RAI1: variants seen among roughly 807,000 people sequenced by gnomAD.
The protein encoded by RAI1 is retinoic acid induced 1.
In RAI1, 9 loss-of-function variants were observed where a neutral mutation model predicts 123.8. The observed-to-expected ratio is 0.07, with a 90% confidence interval of 0.04 to 0.13. RAI1 has a LOEUF of 0.13. RAI1 is among the 10% of genes least tolerant of loss of function. The probability of loss-of-function intolerance (pLI) is 1.00; values close to 1 mark genes in which losing one functional copy is unlikely to be tolerated. For missense variants in RAI1, 2,256 were observed against 2,545.8 expected (o/e 0.89, Z 2.45); for synonymous variants, 1,231 against 1,127.3 (o/e 1.09, Z -1.84).
intron 2 of RAI1, among the ~76,000 whole-genome samples, chr17:17,744,009 C>T (rs1306450526): frequency 1.3e-5 from 2 of 152,202 alleles, no homozygotes; most frequent in Non-Finnish European, 2.9e-5. Context: ...GGCTGTGAGA[C>T]AGTCATTGCA....
chr17:17,738,695 G>A (rs1412584170), intron 2 of RAI1, among the ~76,000 whole-genome samples: 2 of 152,212 alleles, frequency 1.3e-5, no homozygotes, highest in African/African-American at 2.4e-5. Flanking sequence ...CTGAGCTCAG[G>A]CAACCCAGGC....
chr17:17,726,077 G>A (rs1316170137), intron 2 of RAI1, among the ~76,000 whole-genome samples: 1 of 152,164 alleles, frequency 6.6e-6, no homozygotes, highest in Non-Finnish European at 1.5e-5. Context: ...CGGCTGGGTG[G>A]TGCCTTGTTC....
chr17:17,697,501 C>T (rs769727902), intron 1 of RAI1, among the ~76,000 whole-genome samples: 2 of 152,250 alleles, frequency 1.3e-5, no homozygotes, highest in East Asian at 1.9e-4. Context: ...ATATTTAAGA[C>T]CTGTTTCACT....
At position 17,685,901 on chromosome 17, in the gene RAI1, C is replaced by T. The variant is rs1191510932; in HGVS notation, c.-149+4108C>T. Among the ~76,000 whole-genome samples the T allele has an allele frequency of 6.6e-6, 1 of 152,148 alleles. No individual in the cohort carries two copies. Among genetic ancestry groups the T allele is most frequent in the Non-Finnish European group, 1.5e-5 (1 of 68,038 alleles). ...CTCTGTGCATCGGGCTGGGCTGTTC[C>T]TTCCACCTGGGATGCCCCTCACCTT... On this transcript the variant is annotated intron_variant, in intron 1 of 5. Transcript: ENST00000353383. The surrounding 1 kb of genome is among the most constrained non-coding windows in gnomAD (Gnocchi z 4.0).
At chr17:17,782,847 C>T (rs2031646672) in intron 2 of RAI1, among the ~76,000 whole-genome samples, 1 of 152,188 alleles carries the variant, frequency 6.6e-6, no homozygotes, top group South Asian at 2.1e-4. Context: ...ATTTTGCTCT[C>T]GGCCTCTGTC....
At chr17:17,708,922 C>A (rs910603657) in intron 1 of RAI1, among the ~76,000 whole-genome samples, 1 of 152,226 alleles carries the variant, frequency 6.6e-6, no homozygotes, top group Admixed American at 6.5e-5. Context: ...GTCCCGTGCT[C>A]CTGCCACCCC....
At chr17:17,698,622 C>G (rs879414784) in intron 1 of RAI1, among the ~76,000 whole-genome samples, 5 of 152,226 alleles carry the variant, frequency 3.3e-5, no homozygotes, top group African/African-American at 7.2e-5. Flanking sequence ...GGAAGGGGAG[C>G]TGAGCCCTTC....
intron 2 of RAI1, among the ~76,000 whole-genome samples, chr17:17,749,095 A>G (rs748937158): frequency 5.3e-5 from 8 of 152,076 alleles, no homozygotes; most frequent in Non-Finnish European, 8.8e-5. Flanking sequence ...ACCCTTCACA[A>G]CCATCCCCGT....
intron 1 of RAI1, among the ~76,000 whole-genome samples, chr17:17,693,448 A>T (rs1450975605): frequency 6.6e-6 from 1 of 152,224 alleles, no homozygotes; most frequent in Non-Finnish European, 1.5e-5. Context: ...TGCCCCAGGC[A>T]TCTTTCTTGC....
intron 2 of RAI1, among the ~76,000 whole-genome samples, chr17:17,784,261 C>T (rs1223686722): frequency 6.6e-6 from 1 of 152,188 alleles, no homozygotes; most frequent in Non-Finnish European, 1.5e-5. Context: ...TGTGCCTCCC[C>T]GGCTGTCAGA....
intron 2 of RAI1, among the ~76,000 whole-genome samples, chr17:17,757,732 A>G (rs2030500046): frequency 6.6e-6 from 1 of 152,094 alleles, no homozygotes; most frequent in African/African-American, 2.4e-5. Context: ...GCAGGCGCCC[A>G]TCAGTGCCAC....
Position 17,797,940 on chromosome 17 carries a change from G to T in RAI1, c.4992G>T (p.Leu1664Phe). 4 of 1,613,982 alleles carry T rather than the reference G, an allele frequency of 2.5e-6. No individual in the cohort carries two copies. Among genetic ancestry groups the T allele is most frequent in the Non-Finnish European group, 3.4e-6 (4 of 1,180,014 alleles). The change falls in exon 3 of 6, where the codon TTG (leucine) becomes TTT (phenylalanine). Residue 1664 changes from leucine (L) to phenylalanine (F), a missense_variant. Physicochemically the swap from Leu to Phe is conservative, Grantham distance 22 (BLOSUM62 0). Coordinates refer to ENST00000353383, the MANE Select transcript of RAI1 (RefSeq NM_030665.4). Reference protein sequence around the residue: ...GGSILQPRPSLPLSSTMHLGP... With the variant: ...GGSILQPRPSFPLSSTMHLGP... ...CCATCCTGCAGCCGCGGCCCTCCTT[G>T]CCCCTCTCCTCCACGATGCACTTGG...
chr17:17,767,997 C>T (rs749366596), intron 2 of RAI1, among the ~76,000 whole-genome samples: 5 of 152,198 alleles, frequency 3.3e-5, no homozygotes, highest in African/African-American at 1.2e-4. Flanking sequence ...GCTCCAGAAC[C>T]GGGTGGTTGT....
Position 17,741,447 on chromosome 17 carries a change from A to G in RAI1, c.-17+17288A>G, listed in dbSNP as rs1043630014. Among the ~76,000 whole-genome samples, 4 of 152,230 alleles carry G rather than the reference A, an allele frequency of 2.6e-5. No homozygotes were observed. In the East Asian group the frequency reaches 7.7e-4, roughly 29 times the overall value. On this transcript the variant is annotated intron_variant, in intron 2 of 5. Coordinates refer to ENST00000353383, the MANE Select transcript of RAI1 (RefSeq NM_030665.4). Reference sequence around the variant, plus strand: ...CTTGTTCATGAGTTCTGCCACAGAAAGGGAAGAATCAAGGACTTTTCAATA... The same window carrying G: ...CTTGTTCATGAGTTCTGCCACAGAAGGGGAAGAATCAAGGACTTTTCAATA...
At chr17:17,690,224 A>G (rs754440933) in intron 1 of RAI1, among the ~76,000 whole-genome samples, 7 of 151,938 alleles carry the variant, frequency 4.6e-5, no homozygotes, top group Non-Finnish European at 7.4e-5. Context: ...CATCTCTACT[A>G]AAAATACAAA....
chr17:17,796,769 C>G lies in RAI1; in HGVS notation c.3821C>G (p.Ser1274Cys). 1 of 1,613,174 alleles carries G rather than the reference C, an allele frequency of 6.2e-7. No homozygotes were observed. The highest frequency in any genetic ancestry group is 8.5e-7 in the Non-Finnish European group (1 of 1,179,758). ...TCCCCCACCCTCTTCAAGAGGATGTCTTCTCCCAAGAAAGCCAAGCCCACC... is the reference window on the plus strand; with the variant it reads ...TCCCCCACCCTCTTCAAGAGGATGTGTTCTCCCAAGAAAGCCAAGCCCACC... ...EGSPTLFKRMSSPKKAKPTKG... is the reference protein window; with the variant it reads ...EGSPTLFKRMCSPKKAKPTKG... The change falls in exon 3 of 6, where the codon TCT becomes TGT. Residue 1274 changes from serine to cysteine, a missense_variant. By Grantham distance (112) the Ser-to-Cys change is moderately radical. Around this residue, in one of 7 missense-constraint regions of RAI1, gnomAD observed 322 missense variants for 358.0 expected, o/e 0.90. Coordinates refer to ENST00000353383, the MANE Select transcript of RAI1 (RefSeq NM_030665.4). The surrounding 1 kb of genome is among the most constrained non-coding windows in gnomAD (Gnocchi z 5.8).
rs757244131 is a variant in RAI1, at chr17:17,801,346, TC to T, written c.5566-2408del. Reference sequence around the variant, plus strand: ...GGTTTACATGCCGCCACCCCTGCCCTCCTCTTGGGTAGCTGGGGTCAGAAGG... The same window carrying T: ...GGTTTACATGCCGCCACCCCTGCCCTCTCTTGGGTAGCTGGGGTCAGAAGG... On this transcript the variant is annotated intron_variant, in intron 3 of 5. Coordinates refer to ENST00000353383, the MANE Select transcript of RAI1 (RefSeq NM_030665.4). The surrounding 1 kb of genome is among the most constrained non-coding windows in gnomAD (Gnocchi z 4.1). 2.4e-4 allele frequency among the ~76,000 whole-genome samples: 37 copies of T among 152,284 alleles called. No homozygotes were observed. The highest frequency in any genetic ancestry group is 7.8e-4 in the Admixed American group (12 of 15,304).
chr17:17,743,440 C>T (rs1916708602), intron 2 of RAI1, among the ~76,000 whole-genome samples: 1 of 152,242 alleles, frequency 6.6e-6, no homozygotes, highest in African/African-American at 2.4e-5. Context: ...GCCCCCAGGG[C>T]GCAGGAACAC....
chr17:17,706,807 A>G lies in RAI1; in HGVS notation c.-148-17221A>G, dbSNP rs1915409954. Among the ~76,000 whole-genome samples the G allele has an allele frequency of 2.0e-5, 3 of 152,190 alleles. No individual in the cohort carries two copies. The South Asian group carries it at 6.2e-4, about 32-fold the overall frequency. ...TTCTCTGTGTGGGCTCAGGGGAAAAAAAGAATTGAAACTCCCACAGGGGAA... is the reference window on the plus strand; with the variant it reads ...TTCTCTGTGTGGGCTCAGGGGAAAAGAAGAATTGAAACTCCCACAGGGGAA... On this transcript the variant is annotated intron_variant, in intron 1 of 5. Transcript: ENST00000353383.
Sources: gnomAD v4.1 joint callset for allele counts (sites outside exome capture counted in the v4.1 genomes callset) on GRCh38, gnomAD v4.1.1 for gene constraint, gnomAD v4.1.1 regional missense constraint, Gnocchi (gnomAD v3.1) non-coding constraint, MANE v1.5 for transcripts, NCBI Gene and HGNC (gene_info 2026-07-23, HGNC 2026-07-21) for gene names.